Variants in AAMDC observed in about 807,000 individuals in gnomAD.
AAMDC encodes the protein mth938 domain-containing protein.
In AAMDC, 16 loss-of-function variants were observed where a neutral mutation model predicts 15.5. The observed-to-expected ratio is 1.03, with a 90% CI of 0.70 to 1.57. AAMDC has a LOEUF of 1.57. Among genes scored for constraint, AAMDC ranks in the 40% most tolerant of loss-of-function variants. The pLI, the probability that AAMDC is intolerant of heterozygous loss-of-function variation, is 0.00. For missense variants in AAMDC, 141 were observed against 144.9 expected (o/e 0.97, Z 0.14); for synonymous variants, 51 against 51.6 (o/e 0.99, Z 0.05).
At chr11:77,830,470 C>T (rs79886457) in intron 1 of AAMDC, among the ~76,000 whole-genome samples, 2,857 of 149,530 alleles carry the variant, frequency 0.019, 83 homozygotes, top group African/African-American at 0.066. Flanking sequence ...AAACTGCTGA[C>T]GACACCCACC....
intron 1 of AAMDC, among the ~76,000 whole-genome samples, chr11:77,834,805 G>T (rs1187100512): frequency 6.6e-6 from 1 of 152,114 alleles, no homozygotes; most frequent in East Asian, 1.9e-4. Context: ...AGATAAGGAG[G>T]TATAATGGAA....
Position 77,884,062 on chromosome 11 carries a change from CT to C in AAMDC, c.328+7016del. The C allele has an allele frequency of 4.4e-6, 5 of 1,123,810 alleles. No individual in the cohort carries two copies. In the South Asian group the frequency reaches 5.8e-5, roughly 13 times the overall value. The allele number at this position is 1,123,810 out of a possible 1,614,324, so 69.6% of individuals were successfully genotyped here. ...AACACAAGAAGAAACATGACACCAA[CT>C]TTACTAAGATTGAGCCTTGGGGGTA... is the stretch of plus-strand genomic sequence containing the variant. On this transcript the variant is annotated intron_variant, in intron 5 of 5. Coordinates refer to the AAMDC transcript ENST00000304716.
chr11:77,891,441 T>C lies in AAMDC; in HGVS notation c.329-9130T>C, dbSNP rs143069093. On this transcript the variant is annotated intron_variant, in intron 5 of 5. Coordinates refer to the AAMDC transcript ENST00000304716. ...TCTGACTCGCCCGCTGGCTCGATGA[T>C]GGTGGCTGAGGCTTTGTGGATCTGT... The C allele has an allele frequency of 1.5e-3, 2,400 of 1,613,826 alleles. 1 individual carries two copies. The highest frequency in any genetic ancestry group is 6.0e-3 in the Middle Eastern group (36 of 6,050).
chr11:77,851,441 CTT>C (rs879697444), intron 2 of AAMDC: 1 of 152,112 alleles, frequency 6.6e-6, no homozygotes, highest in Non-Finnish European at 1.5e-5. Context: ...TTTTTGTTTG[CTT>C]TTGCTTTTGT....
At chr11:77,890,712 A>G (rs1171068675) in intron 5 of AAMDC, among the ~76,000 whole-genome samples, 1 of 152,218 alleles carries the variant, frequency 6.6e-6, no homozygotes, top group Non-Finnish European at 1.5e-5. Context: ...TAGTGCATGC[A>G]ATAGAGTAAA....
At chr11:77,895,347 A>C (rs969785756) in intron 5 of AAMDC, among the ~76,000 whole-genome samples, 10 of 151,984 alleles carry the variant, frequency 6.6e-5, no homozygotes, top group Non-Finnish European at 1.5e-4. Context: ...GAATGATGTC[A>C]AGGTTTAGTC....
chr11:77,903,411 C>T (rs1565234317), downstream of AAMDC: 1 of 1,605,326 alleles, frequency 6.2e-7, no homozygotes, highest in Non-Finnish European at 8.5e-7. Context: ...TACAAAGGGG[C>T]AGCTACATGC....
At chr11:77,832,296 G>A (rs1442616739) in intron 1 of AAMDC, among the ~76,000 whole-genome samples, 1 of 151,068 alleles carries the variant, frequency 6.6e-6, no homozygotes, top group Non-Finnish European at 1.5e-5. Context: ...GAGTTTATAA[G>A]TTTATAAAAA....
chr11:77,842,099 A>T (rs1306668601), intron 1 of AAMDC, among the ~76,000 whole-genome samples: 3 of 152,174 alleles, frequency 2.0e-5, no homozygotes, highest in Admixed American at 2.0e-4. Context: ...ATATGCCTTT[A>T]ATTTTATTTC....
At position 77,900,625 on chromosome 11, in the gene AAMDC, C is replaced by G. The variant is rs904559661; in HGVS notation, c.383C>G (p.Thr128Ser). 4.3e-6 allele frequency: 3 copies of G among 699,202 alleles called. No individual in the cohort carries two copies. In the African/African-American group the frequency reaches 5.3e-5, roughly 12 times the overall value. 43.3% of individuals were successfully genotyped at this position (699,202 alleles called of 1,614,324 possible). A position where few individuals can be genotyped will look rare whatever the true frequency, so the allele number is the denominator to read the frequency against. The stretch of plus-strand genomic sequence containing the variant: ...GAGCTGGCAATGAGTCACCTAAGTA[C>G]TTTTTTGTATCAAATCTATGATGCC... The change falls in exon 6 of 6, where the codon ACT (threonine) becomes AGT (serine). Residue 128 changes from threonine (T) to serine (S), a missense_variant. Transcript: ENST00000304716.
intron 2 of AAMDC, chr11:77,851,084 A>G (rs1950361495): frequency 6.6e-6 from 1 of 150,608 alleles, no homozygotes; most frequent in African/African-American, 2.5e-5. Context: ...CCTCCTGAGT[A>G]GCAGGGATTA....
downstream of AAMDC, among the ~76,000 whole-genome samples, chr11:77,874,997 G>A (rs533699579): frequency 3.3e-5 from 5 of 151,254 alleles, no homozygotes; most frequent in African/African-American, 4.9e-5. Flanking sequence ...AGGTGAGATC[G>A]TGCCACTGCA....
chr11:77,867,925 T>G (rs775915689), intron 2 of AAMDC, among the ~76,000 whole-genome samples: 5 of 152,106 alleles, frequency 3.3e-5, no homozygotes, highest in Non-Finnish European at 7.4e-5. Context: ...ATATAGAGAT[T>G]GTTATGAAAT....
intron 2 of AAMDC, among the ~76,000 whole-genome samples, chr11:77,865,106 A>G (rs1389067993): frequency 6.6e-6 from 1 of 152,298 alleles, no homozygotes; most frequent in East Asian, 1.9e-4. Flanking sequence ...ATATTTTGCA[A>G]ATTAGACACA....
intron 1 of AAMDC, among the ~76,000 whole-genome samples, chr11:77,827,635 T>C (rs1008542353): frequency 6.6e-6 from 1 of 152,220 alleles, no homozygotes; most frequent in Non-Finnish European, 1.5e-5. Flanking sequence ...TCAGCCTGAT[T>C]AAGAGCATTA....
rs1364204982 is a variant in AAMDC, at chr11:77,869,763, T to C, written c.174T>C (p.Val58=). 6.2e-7 allele frequency: 1 copy of C among 1,613,962 alleles called. No homozygotes were observed. The highest frequency in any genetic ancestry group is 1.1e-5 in the South Asian group (1 of 91,074). ...AGCCTGCAGATGTGAAGGAAGTTGTTGAGAAGGGTGTACAGACTCTTGTGA... is the reference window on the plus strand; with the variant it reads ...AGCCTGCAGATGTGAAGGAAGTTGTCGAGAAGGGTGTACAGACTCTTGTGA... ...GVQPADVKEV[V]EKGVQTLVIG... is the part of the protein sequence containing the mutation. The change falls in exon 3 of 4, where the codon GTT becomes GTC. Residue 58 remains valine (V), a synonymous_variant. Coordinates refer to ENST00000393427, the MANE Select transcript of AAMDC (RefSeq NM_024684.4).
intron 2 of AAMDC, chr11:77,868,965 T>TA (rs1555014109): frequency 3.6e-6 from 1 of 279,650 alleles, no homozygotes; most frequent in African/African-American, 2.3e-5. Flanking sequence ...CTTATTTGTT[T>TA]ACAACAATGC....
At chr11:77,833,333 T>A (rs1353438571) in intron 1 of AAMDC, among the ~76,000 whole-genome samples, 1 of 152,076 alleles carries the variant, frequency 6.6e-6, no homozygotes, top group African/African-American at 2.4e-5. Flanking sequence ...AACTAGATGG[T>A]TCCATCTGGG....
At chr11:77,853,759 G>C (rs1199742088) in intron 2 of AAMDC, among the ~76,000 whole-genome samples, 1 of 151,914 alleles carries the variant, frequency 6.6e-6, no homozygotes, top group East Asian at 2.0e-4. Flanking sequence ...TGGCCAACAT[G>C]ATGAAACCCT....
Sources: gnomAD v4.1 joint callset for allele counts (sites outside exome capture counted in the v4.1 genomes callset) on GRCh38, gnomAD v4.1.1 for gene constraint, MANE v1.5 for transcripts, NCBI Gene and HGNC (gene_info 2026-07-23, HGNC 2026-07-21) for gene names.